The following NEMP1 variants were observed in gnomAD, a reference collection of about 807,000 sequenced individuals.
NEMP1 encodes nuclear envelope integral membrane protein 1.
In NEMP1, 29 loss-of-function variants were observed where a neutral mutation model predicts 53.7. The observed-to-expected ratio is 0.54, with a 90% CI of 0.40 to 0.74. The LOEUF is 0.74. Ranked by LOEUF, NEMP1 falls within the 30% of genes least tolerant of loss-of-function variation. The pLI is 0.00. For synonymous variants in NEMP1, 193 were observed against 192.9 expected (o/e 1.00, Z 0.00); for missense variants, 477 against 528.6 (o/e 0.90, Z 0.96).
At chr12:57,078,081 G>A (rs2032717322) in intron 1 of NEMP1, among the ~76,000 whole-genome samples, 1 of 152,114 alleles carries the variant, frequency 6.6e-6, no homozygotes, top group African/African-American at 2.4e-5. Flanking sequence ...ACTCCATCTC[G>A]CGGGCCGGGG....
chr12:57,081,744 A>G (rs562628754), upstream of NEMP1, among the ~76,000 whole-genome samples: 6 of 149,338 alleles, frequency 4.0e-5, no homozygotes, highest in East Asian at 1.2e-3. Context: ...CGTCTCTACT[A>G]AAAATAAAAA....
intron 4 of NEMP1, among the ~76,000 whole-genome samples, chr12:57,067,323 CAA>C (rs1257920660): frequency 2.2e-4 from 19 of 85,630 alleles, no homozygotes; most frequent in Non-Finnish European, 2.7e-4. Flanking sequence ...GACTCTGTCT[CAA>C]AAAAAAAAAA....
chr12:57,084,091 T>A (rs1185955454), intron 1 of NEMP1, among the ~76,000 whole-genome samples: 1 of 152,182 alleles, frequency 6.6e-6, no homozygotes, highest in African/African-American at 2.4e-5. Context: ...ACCTCCCGAG[T>A]AGCTGGGATT....
At chr12:57,088,154 A>G (rs2033072256), upstream of NEMP1, 1 of 152,182 alleles carries the variant, frequency 6.6e-6, no homozygotes, top group African/African-American at 2.4e-5. Flanking sequence ...TGTCACACAA[A>G]ATTCCCAGGC....
At chr12:57,088,246 T>C (rs895826337), upstream of NEMP1, among the ~76,000 whole-genome samples, 2 of 152,164 alleles carry the variant, frequency 1.3e-5, no homozygotes, top group African/African-American at 4.8e-5. Flanking sequence ...ACGCGTCTAA[T>C]CAACACGCGC....
rs1458209627 is a variant in NEMP1, at chr12:57,078,762, C to A, written c.-17G>T. The A allele has an allele frequency of 6.2e-7, 1 of 1,605,850 alleles. No individual in the cohort carries two copies. The highest frequency in any genetic ancestry group is 2.2e-5 in the East Asian group (1 of 44,698). ...TCCCGCCATGGTTGCCTCAAGCCAC[C>A]TCCTCCTCACGTGCCTTACCCCAGC... On this transcript the variant is annotated 5_prime_UTR_variant, in exon 1 of 9. In the 5' UTR this introduces an upstream ATG that the reference lacks. Transcript: ENST00000300128.
chr12:57,073,968 A>T (rs2032478011), intron 1 of NEMP1, among the ~76,000 whole-genome samples: 1 of 150,290 alleles, frequency 6.7e-6, no homozygotes, highest in African/African-American at 2.5e-5. Flanking sequence ...TTTTTATTTT[A>T]TTTTTTTATT....
chr12:57,074,557 A>C (rs1320963722), intron 1 of NEMP1, among the ~76,000 whole-genome samples: 2 of 149,326 alleles, frequency 1.3e-5, no homozygotes, highest in African/African-American at 2.5e-5. Flanking sequence ...CACCCACCTC[A>C]GCCTCCCAAA....
chr12:57,074,219 T>TTGGCCTCCCAAAGCACCCACGC (rs2032495087), intron 1 of NEMP1, among the ~76,000 whole-genome samples: 2 of 151,644 alleles, frequency 1.3e-5, no homozygotes, highest in Admixed American at 6.6e-5. Flanking sequence ...TCCTCCCACA[T>TTGGCCTCCCAAAGCACCCACGC]TGGCCTCCCA....
chr12:57,070,269 T>C (rs2032283450), intron 3 of NEMP1, among the ~76,000 whole-genome samples: 1 of 152,270 alleles, frequency 6.6e-6, no homozygotes, highest in Non-Finnish European at 1.5e-5. Flanking sequence ...TCAATTTTTA[T>C]TAACCATTCA....
intron 4 of NEMP1, among the ~76,000 whole-genome samples, chr12:57,066,686 T>G (rs2032093282): frequency 6.6e-6 from 1 of 152,262 alleles, no homozygotes; most frequent in Non-Finnish European, 1.5e-5. Context: ...GTTCACTGTC[T>G]AATATGGTTT....
chr12:57,084,918 G>A (rs2032947121), intron 1 of NEMP1, among the ~76,000 whole-genome samples: 1 of 152,152 alleles, frequency 6.6e-6, no homozygotes, highest in African/African-American at 2.4e-5. Flanking sequence ...TACAAAAGTA[G>A]TGGACAATAA....
intron 1 of NEMP1, among the ~76,000 whole-genome samples, chr12:57,087,450 G>T (rs1431159589): frequency 6.6e-6 from 1 of 151,994 alleles, no homozygotes; most frequent in Non-Finnish European, 1.5e-5. Flanking sequence ...CCTGAGGTGG[G>T]GGGGGAGGGG....
chr12:57,088,088 C>T (rs2033069551), upstream of NEMP1: 1 of 152,374 alleles, frequency 6.6e-6, no homozygotes. Context: ...TACTCATCTT[C>T]CACTAGACTC....
In NEMP1 at chr12:57,056,232, G is replaced by A. The variant is rs1055770785; in HGVS notation, c.*3647C>T. 28 of 152,202 alleles carry A rather than the reference G, an allele frequency of 1.8e-4. No homozygotes were observed. The highest frequency in any genetic ancestry group is 6.7e-4 in the African/African-American group (28 of 41,526). The allele number at this position is 152,202 out of a possible 1,614,324, so 9.4% of individuals were successfully genotyped here. A position where few individuals can be genotyped will look rare whatever the true frequency, so the allele number is the denominator to read the frequency against. On this transcript the variant is annotated 3_prime_UTR_variant, in exon 9 of 9. Transcript: ENST00000300128. ...CATAAGGCACCAACATCCTTTTCAA[G>A]GTAGTAACCATCTAGAATCAACTCA...
chr12:57,087,413 C>A (rs1380032964), intron 1 of NEMP1, among the ~76,000 whole-genome samples: 1 of 143,484 alleles, frequency 7.0e-6, no homozygotes, highest in Non-Finnish European at 1.5e-5. Context: ...CCGGGGCCAG[C>A]GGCTGGCAGC....
chr12:57,064,284 A>C, intron 5 of NEMP1, 99 bp from the exon 6 acceptor site: 1 of 709,286 alleles, frequency 1.4e-6, no homozygotes, highest in Non-Finnish European at 2.3e-6. Flanking sequence ...AAAAAATTCA[A>C]CCTACTCAAA....
chr12:57,058,067 A>G lies in NEMP1; in HGVS notation c.*1812T>C, dbSNP rs987728652. ...TTCACAAGGGTATAAAGGTTTCCCA[A>G]TGTAAAGTTCCTTTTACCCTTCAAC... On this transcript the variant is annotated 3_prime_UTR_variant, in exon 9 of 9. Coordinates refer to ENST00000300128, the MANE Select transcript of NEMP1 (RefSeq NM_001130963.2). 2 of 152,250 alleles carry G rather than the reference A, an allele frequency of 1.3e-5. No individual in the cohort carries two copies. Among genetic ancestry groups the G allele is most frequent in the African/African-American group, 2.4e-5 (1 of 41,464 alleles). 9.4% of individuals were successfully genotyped at this position (152,250 alleles called of 1,614,324 possible). A position where few individuals can be genotyped will look rare whatever the true frequency, so the allele number is the denominator to read the frequency against.
At chr12:57,076,534 G>A (rs185583439) in intron 1 of NEMP1, among the ~76,000 whole-genome samples, 2 of 151,972 alleles carry the variant, frequency 1.3e-5, no homozygotes, top group African/African-American at 2.4e-5. Flanking sequence ...GTGGCTGGGC[G>A]TGGTGGCTCA....
Sources: gnomAD v4.1 joint callset for allele counts (sites outside exome capture counted in the v4.1 genomes callset) on GRCh38, gnomAD v4.1.1 for gene constraint, MANE v1.5 for transcripts, NCBI Gene and HGNC (gene_info 2026-07-23, HGNC 2026-07-21) for gene names.